The following CACNA1B variants were observed in gnomAD, a reference collection of about 807,000 sequenced individuals.
CACNA1B encodes calcium voltage-gated channel subunit alpha1 B, also known as voltage-dependent N-type calcium channel subunit alpha-1B.
A neutral mutation model predicts 247.2 loss-of-function variants in CACNA1B; 70 were observed. The ratio of observed to expected loss-of-function variants is 0.28; its 90% CI spans 0.23 to 0.35. The LOEUF (loss-of-function observed/expected upper bound fraction) is 0.35. CACNA1B is among the 10% of genes least tolerant of loss of function. CACNA1B has a pLI of 1.00. For synonymous variants in CACNA1B, 1,231 were observed against 1,294.4 expected, an observed-to-expected ratio of 0.95 and a Z score of 1.05; for missense variants, 2,367 against 3,197.4, an observed-to-expected ratio of 0.74 and a Z score of 6.26.
At chr9:138,061,193 C>G (rs1177598264) in intron 31 of CACNA1B, among the ~76,000 whole-genome samples, 1 of 152,222 alleles carries the variant, frequency 6.6e-6, no homozygotes, top group Non-Finnish European at 1.5e-5. Context: ...GTCAGATGAT[C>G]TGGCTGGCAT....
intron 3 of CACNA1B, among the ~76,000 whole-genome samples, chr9:137,906,663 C>G (rs1253791135): frequency 6.6e-6 from 1 of 151,884 alleles, no homozygotes; most frequent in Non-Finnish European, 1.5e-5. Flanking sequence ...CATACGTGTT[C>G]CCCTGCATGC....
At chr9:138,015,072 AG>A (rs914597792) in intron 18 of CACNA1B, among the ~76,000 whole-genome samples, 5 of 151,892 alleles carry the variant, frequency 3.3e-5, no homozygotes, top group Non-Finnish European at 5.9e-5. Flanking sequence ...GGGGACCCCT[AG>A]GTGTTCTGCC....
chr9:138,039,489 C>CT (rs575486746), intron 20 of CACNA1B, among the ~76,000 whole-genome samples: 21 of 152,282 alleles, frequency 1.4e-4, no homozygotes, highest in South Asian at 8.3e-4. Flanking sequence ...TCTCGTTACT[C>CT]TAAGTAATTT....
At chr9:137,997,885 A>T (rs1018709349) in intron 15 of CACNA1B, among the ~76,000 whole-genome samples, 1 of 152,248 alleles carries the variant, frequency 6.6e-6, no homozygotes, top group Admixed American at 6.5e-5. Flanking sequence ...AATCACCTGC[A>T]TGTTCACCAT....
In CACNA1B at chr9:138,070,711, G is replaced by A. The variant is rs117687257; in HGVS notation, c.4674+948G>A. On this transcript the variant is annotated intron_variant, in intron 32 of 46. Transcript: ENST00000371372. ...AATGTCATCTGCACGCATCCAGCTCGTGCCAGTCAGGCCTCTGCTCAGCGT... is the reference window on the plus strand; with the variant it reads ...AATGTCATCTGCACGCATCCAGCTCATGCCAGTCAGGCCTCTGCTCAGCGT... Among the ~76,000 whole-genome samples the A allele has an allele frequency of 7.9e-3, 1,199 of 152,316 alleles. 10 individuals are homozygous for A. The highest frequency in any genetic ancestry group is 0.013 in the Non-Finnish European group (880 of 68,028).
Position 138,057,971 on chromosome 9 carries a change from C to G in CACNA1B, c.4107-78C>G. 1 of 1,552,408 alleles carries G rather than the reference C, an allele frequency of 6.4e-7. No homozygotes were observed. The highest frequency in any genetic ancestry group is 8.9e-7 in the Non-Finnish European group (1 of 1,126,386). The stretch of plus-strand genomic sequence containing the variant: ...GGCTCAGGCATGGAAGCAGACCCAC[C>G]CTTGTGGTGCAGGTCTTGAGTTCTT... On this transcript the variant is annotated intron_variant, in intron 27 of 46. Coordinates refer to ENST00000371372, the MANE Select transcript of CACNA1B (RefSeq NM_000718.4). The surrounding 1 kb of genome is among the most constrained non-coding windows in gnomAD (Gnocchi z 4.0).
chr9:137,883,236 G>A (rs1956954265), intron 3 of CACNA1B, among the ~76,000 whole-genome samples: 1 of 151,132 alleles, frequency 6.6e-6, no homozygotes. Flanking sequence ...GGGCTTCCTA[G>A]CGAGGAGGAG....
intron 6 of CACNA1B, among the ~76,000 whole-genome samples, chr9:137,922,895 G>T (rs533279575): frequency 6.6e-6 from 1 of 152,104 alleles, no homozygotes; most frequent in Non-Finnish European, 1.5e-5. Context: ...CCCTGCAGGG[G>T]TCCCTCCTGC....
In CACNA1B at chr9:138,078,109, CT is replaced by C. The variant is rs772970858; in HGVS notation, c.4950-4del. ...TGGGCCTCACAACTCTGCCCTTCTT[CT>C]CAGGAGCGCCACGGGGGAGGCCTGG... On this transcript the variant is annotated splice_polypyrimidine_tract_variant and splice_region_variant and intron_variant, in intron 35 of 46. Transcript: ENST00000371372. 4.3e-6 allele frequency: 7 copies of C among 1,613,194 alleles called. No homozygotes were observed. The South Asian group carries it at 7.7e-5, about 18-fold the overall frequency.
intron 6 of CACNA1B, among the ~76,000 whole-genome samples, chr9:137,943,170 A>T (rs993333127): frequency 6.6e-6 from 1 of 152,134 alleles, no homozygotes; most frequent in African/African-American, 2.4e-5. Context: ...TTAGTTAAAA[A>T]TGGCCTCCTA....
chr9:138,072,006 G>A lies in CACNA1B; in HGVS notation c.4675-1482G>A, dbSNP rs1960150198. 1.3e-5 allele frequency among the ~76,000 whole-genome samples: 2 copies of A among 152,132 alleles called. No individual in the cohort carries two copies. The highest frequency in any genetic ancestry group is 4.1e-4 in the South Asian group (2 of 4,822). ...ATGGCTGGCTTCTCTGTGGGTCCTCGTGGCCCAGAGTTCTTGGCCATCTTG... is the reference window on the plus strand; with the variant it reads ...ATGGCTGGCTTCTCTGTGGGTCCTCATGGCCCAGAGTTCTTGGCCATCTTG... On this transcript the variant is annotated intron_variant, in intron 32 of 46. Transcript: ENST00000371372. The surrounding 1 kb of genome is among the most constrained non-coding windows in gnomAD (Gnocchi z 4.5).
intron 38 of CACNA1B, among the ~76,000 whole-genome samples, chr9:138,103,857 A>T (rs1961335966): frequency 6.6e-6 from 1 of 152,190 alleles, no homozygotes; most frequent in South Asian, 2.1e-4. Context: ...CCCTGACTCT[A>T]GGTCTTTGTC....
chr9:137,927,880 C>T (rs1957569180), intron 6 of CACNA1B, among the ~76,000 whole-genome samples: 1 of 152,118 alleles, frequency 6.6e-6, no homozygotes, highest in African/African-American at 2.4e-5. Context: ...GTGTTTTCTG[C>T]ACTGATATGA....
rs760739710 is a variant in CACNA1B, at chr9:138,013,184, A to G, written c.2216A>G (p.Lys739Arg). 3 of 1,611,820 alleles carry G rather than the reference A, an allele frequency of 1.9e-6. No homozygotes were observed. Among genetic ancestry groups the G allele is most frequent in the Non-Finnish European group, 2.5e-6 (3 of 1,178,946 alleles). The change falls in exon 18 of 47, where the codon AAA (lysine) becomes AGA (arginine). Residue 739 changes from lysine to arginine, a missense_variant. Physicochemically the swap from Lys to Arg is conservative, Grantham distance 26. Around this residue, in one of 12 missense-constraint regions of CACNA1B, gnomAD observed 631 missense variants for 631.1 expected, o/e 1.00. Coordinates refer to ENST00000371372, the MANE Select transcript of CACNA1B (RefSeq NM_000718.4). ...ANQKLALQKA[K>R]EVAEVSPMSA... Reference sequence around the variant, plus strand: ...CAGAAGCTTGCTCTGCAAAAGGCCAAAGAAGTGGCTGAAGTCAGCCCCATG... The same window carrying G: ...CAGAAGCTTGCTCTGCAAAAGGCCAGAGAAGTGGCTGAAGTCAGCCCCATG...
At chr9:138,015,521 T>G (rs1958780629) in intron 18 of CACNA1B, among the ~76,000 whole-genome samples, 2 of 146,774 alleles carry the variant, frequency 1.4e-5, no homozygotes, top group South Asian at 2.1e-4. Flanking sequence ...TCCAGCACCT[T>G]GAGCTGCTGG....
In CACNA1B at chr9:138,121,716, A is replaced by T. The variant is rs765988912; in HGVS notation, c.6737A>T (p.Gln2246Leu). The T allele has an allele frequency of 3.1e-6, 5 of 1,613,208 alleles. No individual in the cohort carries two copies. The Admixed American group carries it at 8.3e-5, about 27-fold the overall frequency. ...CTGCTGCAGAGAGACCCCCTCAGCC[A>T]GCCCCTGGCCCCTGGCTCTCGAATT... The part of the protein sequence containing the change: ...NALLQRDPLS[Q>L]PLAPGSRIGS... The change falls in exon 47 of 47, where the codon CAG (glutamine) becomes CTG (leucine). Residue 2246 changes from glutamine to leucine, a missense_variant. Physicochemically the swap from Gln to Leu is moderately radical, Grantham distance 113 (BLOSUM62 -2). Around this residue, in one of 12 missense-constraint regions of CACNA1B, gnomAD observed 773 missense variants for 779.4 expected, o/e 0.99. Transcript: ENST00000371372. The surrounding 1 kb of genome is among the most constrained non-coding windows in gnomAD (Gnocchi z 6.8).
chr9:137,905,860 GGAGGTGTCCT>G (rs1957293384), intron 3 of CACNA1B, among the ~76,000 whole-genome samples: 1 of 152,234 alleles, frequency 6.6e-6, no homozygotes, highest in Non-Finnish European at 1.5e-5. Context: ...ACAAGTGAAT[GGAGGTGTCCT>G]GCCCTTGTCC....
intron 3 of CACNA1B, among the ~76,000 whole-genome samples, chr9:137,897,201 T>C (rs1040064748): frequency 1.3e-5 from 2 of 152,250 alleles, no homozygotes; most frequent in Non-Finnish European, 2.9e-5. Context: ...TATTTTACTC[T>C]TCATTTTCTC....
intron 40 of CACNA1B, among the ~76,000 whole-genome samples, chr9:138,113,063 T>G: frequency 1.6e-5 from 2 of 124,184 alleles, no homozygotes; most frequent in Non-Finnish European, 1.6e-5. Context: ...CACGGGGAGG[T>G]GCCCAACTCC....
Sources: gnomAD v4.1 joint callset for allele counts (sites outside exome capture counted in the v4.1 genomes callset) on GRCh38, gnomAD v4.1.1 for gene constraint, gnomAD v4.1.1 regional missense constraint, Gnocchi (gnomAD v3.1) non-coding constraint, MANE v1.5 for transcripts, NCBI Gene and HGNC (gene_info 2026-07-23, HGNC 2026-07-21) for gene names.